Variants in SLC25A42 observed in about 807,000 individuals in gnomAD.
SLC25A42 encodes mitochondrial coenzyme A transporter SLC25A42.
Under a neutral mutation model 34.7 loss-of-function variants are expected in SLC25A42, and 19 were observed. The observed-to-expected ratio is 0.55, with a 90% CI of 0.38 to 0.80. SLC25A42 has a LOEUF of 0.80. SLC25A42 is among the 30% of genes least tolerant of loss of function. The probability of loss-of-function intolerance (pLI) is 0.00; values close to 1 mark genes in which losing one functional copy is unlikely to be tolerated. For synonymous variants in SLC25A42, 205 were observed against 191.2 expected, an observed-to-expected ratio of 1.07 and a Z score of -0.59; for missense variants, 364 against 441.3, an observed-to-expected ratio of 0.82 and a Z score of 1.57.
chr19:19,096,254 T>TGGGGGCCCCCCCC, intron 2 of SLC25A42, 49 bp downstream of exon 2: 2 of 1,456,692 alleles, frequency 1.4e-6, no homozygotes, highest in East Asian at 2.4e-5. Context: ...GGCCCCAGCC[T>TGGGGGCCCCCCCC]CCCCACCCCC....
intron 7 of SLC25A42, among the ~76,000 whole-genome samples, 191 bp downstream of exon 7, chr19:19,108,236 T>C (rs1185822420): frequency 6.6e-6 from 1 of 152,192 alleles, no homozygotes; most frequent in Admixed American, 6.5e-5. Context: ...GAACCTGGAC[T>C]CACTGCCTTA....
chr19:19,086,767 A>G (rs2059710291), intron 1 of SLC25A42, among the ~76,000 whole-genome samples: 1 of 151,928 alleles, frequency 6.6e-6, no homozygotes, highest in Non-Finnish European at 1.5e-5. Context: ...CAGCCTCCTG[A>G]GTAGCTGGGA....
chr19:19,092,628 C>G (rs1469056333), intron 1 of SLC25A42, among the ~76,000 whole-genome samples: 6 of 152,188 alleles, frequency 3.9e-5, no homozygotes, highest in Non-Finnish European at 2.9e-5. Context: ...AGAGCAAGAG[C>G]CCACAGGAGG....
chr19:19,105,451 T>C, intron 4 of SLC25A42, 110 bp from the exon 5 acceptor site: 1 of 1,327,962 alleles, frequency 7.5e-7, no homozygotes. Flanking sequence ...TGCATGGAGA[T>C]GGGGTCACCC....
chr19:19,101,906 A>T lies in SLC25A42; in HGVS notation c.187+20A>T. On this transcript the variant is annotated intron_variant, in intron 3 of 7. Transcript: ENST00000318596. Reference sequence around the variant, plus strand: ...TCCAAGGTAAGTGTTGGCCATCCCCAGGTGCTAGAGAAGCTGCCAGGCGGT... The same window carrying T: ...TCCAAGGTAAGTGTTGGCCATCCCCTGGTGCTAGAGAAGCTGCCAGGCGGT... 1.9e-6 allele frequency: 3 copies of T among 1,591,266 alleles called. No individual in the cohort carries two copies. In the South Asian group the frequency reaches 3.4e-5, roughly 18 times the overall value.
At chr19:19,065,429 G>C (rs1599659383) in intron 1 of SLC25A42, among the ~76,000 whole-genome samples, 1 of 152,206 alleles carries the variant, frequency 6.6e-6, no homozygotes, top group Non-Finnish European at 1.5e-5. Context: ...GTGGTGCTAG[G>C]AATGATTCTT....
At chr19:19,077,886 C>CA (rs1169987455) in intron 1 of SLC25A42, among the ~76,000 whole-genome samples, 3 of 150,848 alleles carry the variant, frequency 2.0e-5, no homozygotes, top group African/African-American at 4.9e-5. Flanking sequence ...GACTCCAACT[C>CA]AAAAAAAAAG....
chr19:19,101,219 G>A (rs2059794694), intron 2 of SLC25A42, among the ~76,000 whole-genome samples: 1 of 152,172 alleles, frequency 6.6e-6, no homozygotes, highest in Non-Finnish European at 1.5e-5. Context: ...TGGCATGGGA[G>A]CAGTCAACGC....
intron 1 of SLC25A42, among the ~76,000 whole-genome samples, chr19:19,078,310 G>A (rs11668958): frequency 6.6e-6 from 1 of 152,276 alleles, no homozygotes; most frequent in Admixed American, 6.5e-5. Flanking sequence ...CTTGCATTCA[G>A]CATGAAGGTG....
intron 1 of SLC25A42, among the ~76,000 whole-genome samples, chr19:19,065,714 T>A (rs1019986200): frequency 6.6e-6 from 1 of 152,206 alleles, no homozygotes; most frequent in Non-Finnish European, 1.5e-5. Flanking sequence ...TATGTATATA[T>A]GTATGTATAT....
chr19:19,079,380 C>T (rs1474199843), intron 1 of SLC25A42, among the ~76,000 whole-genome samples: 1 of 151,940 alleles, frequency 6.6e-6, no homozygotes, highest in South Asian at 2.1e-4. Context: ...TTCATCACCC[C>T]CAAAAGGAAA....
At chr19:19,106,149 G>A (rs2059826201) in intron 5 of SLC25A42, 120 bp from the exon 6 acceptor site, 1 of 819,610 alleles carries the variant, frequency 1.2e-6, no homozygotes, top group Non-Finnish European at 1.9e-6. Flanking sequence ...CCCGCCTCGT[G>A]TTCCTCGGTC....
At chr19:19,076,229 G>C (rs927610538) in intron 1 of SLC25A42, among the ~76,000 whole-genome samples, 21 of 152,114 alleles carry the variant, frequency 1.4e-4, no homozygotes, top group Admixed American at 1.4e-3. Context: ...TTGGGAGGCT[G>C]AGGCGGGTGG....
At chr19:19,075,582 T>C (rs1343710524) in intron 1 of SLC25A42, among the ~76,000 whole-genome samples, 1 of 152,112 alleles carries the variant, frequency 6.6e-6, no homozygotes, top group Non-Finnish European at 1.5e-5. Flanking sequence ...GACACTGTCA[T>C]CTGTGGTTGT....
At chr19:19,104,782 C>A in intron 3 of SLC25A42, 131 bp from the exon 4 acceptor site, 1 of 987,458 alleles carries the variant, frequency 1.0e-6, no homozygotes, top group Non-Finnish European at 1.5e-6. Flanking sequence ...GTCAGCTCAG[C>A]TCCCATTCCT....
chr19:19,069,152 T>C (rs924740965), intron 1 of SLC25A42, among the ~76,000 whole-genome samples: 1 of 152,222 alleles, frequency 6.6e-6, no homozygotes, highest in Non-Finnish European at 1.5e-5. Flanking sequence ...TTCACAGAGC[T>C]ATTTTTAAAA....
chr19:19,084,148 T>C (rs2059694893), intron 1 of SLC25A42, among the ~76,000 whole-genome samples: 1 of 151,986 alleles, frequency 6.6e-6, no homozygotes, highest in Non-Finnish European at 1.5e-5. Flanking sequence ...GCCTGGACCC[T>C]GTACATACCT....
chr19:19,092,353 C>T (rs1489467097), intron 1 of SLC25A42, among the ~76,000 whole-genome samples: 1 of 152,248 alleles, frequency 6.6e-6, no homozygotes, highest in Non-Finnish European at 1.5e-5. Flanking sequence ...AGTGCTCTGT[C>T]ACCTGCAGGG....
chr19:19,096,277 C>T, intron 2 of SLC25A42, 72 bp downstream of exon 2: 1 of 1,187,314 alleles, frequency 8.4e-7, no homozygotes, highest in Admixed American at 2.0e-5. Context: ...TCCCAGGCTC[C>T]CTGCCTCCTC....
Sources: allele counts gnomAD v4.1 joint callset (sites outside exome capture counted in the v4.1 genomes callset), GRCh38; gene constraint gnomAD v4.1.1; transcripts MANE v1.5; gene names NCBI Gene and HGNC (gene_info 2026-07-23, HGNC 2026-07-21).